The following FRYL variants were observed in gnomAD, a reference collection of about 807,000 sequenced individuals.
FRYL encodes the protein FRY like transcription coactivator.
Under a neutral mutation model 351.2 loss-of-function variants are expected in FRYL, and 150 were observed. The ratio of observed to expected loss-of-function variants is 0.43; its 90% CI spans 0.37 to 0.49. The LOEUF (loss-of-function observed/expected upper bound fraction) is 0.49, where lower values mean the gene tolerates loss of function less well. FRYL is among the 20% of genes least tolerant of loss of function. The probability of loss-of-function intolerance (pLI) is 0.00; values close to 1 mark genes in which losing one functional copy is unlikely to be tolerated. For missense variants in FRYL, 3,036 were observed against 3,619.3 expected (o/e 0.84, Z 4.13); for synonymous variants, 1,153 against 1,257.1 (o/e 0.92, Z 1.75).
rs1740898260 is a variant in FRYL at position 48,581,521 on chromosome 4, C to T, written c.2071G>A (p.Ala691Thr). ...SNVFHVVEGF[A>T]LVILCSSRPA... is the part of the protein sequence containing the mutation. Reference sequence around the variant, plus strand: ...CGACTGCTACAGAGAATGACAAGCGCAAAGCCTTCAACCACATGGAATACA... The same window carrying T: ...CGACTGCTACAGAGAATGACAAGCGTAAAGCCTTCAACCACATGGAATACA... Residue 691 changes from alanine to threonine, a missense_variant, in exon 21 of 64, where the codon GCG (alanine) becomes ACG (threonine). Physicochemically the swap from Ala to Thr is moderately conservative, Grantham distance 58. Around this residue, in one of 7 missense-constraint regions of FRYL, gnomAD observed 492 missense variants for 551.5 expected, o/e 0.89. Coordinates refer to ENST00000358350, the MANE Select transcript of FRYL (RefSeq NM_015030.2). The T allele has an allele frequency of 6.2e-7, 1 of 1,613,930 alleles. No individual in the cohort carries two copies. The highest frequency in any genetic ancestry group is 8.5e-7 in the Non-Finnish European group (1 of 1,179,986).
intron 2 of FRYL, among the ~76,000 whole-genome samples, chr4:48,709,074 C>G (rs563194625): frequency 6.6e-6 from 1 of 152,140 alleles, no homozygotes; most frequent in African/African-American, 2.4e-5. Flanking sequence ...GCGCCCGCCA[C>G]CACGCCTGGC....
intron 3 of FRYL, among the ~76,000 whole-genome samples, chr4:48,650,389 C>T (rs1350536874): frequency 2.6e-5 from 4 of 152,122 alleles, no homozygotes; most frequent in Non-Finnish European, 5.9e-5. Context: ...AACCAATACC[C>T]TCCAGAAGCT....
At chr4:48,617,355 T>C (rs1449096622) in intron 7 of FRYL, among the ~76,000 whole-genome samples, 4 of 151,470 alleles carry the variant, frequency 2.6e-5, no homozygotes, top group Admixed American at 6.6e-5. Flanking sequence ...AGATTTTTTT[T>C]TTTTTTTTAA....
At chr4:48,591,224 T>C (rs531341010) in intron 16 of FRYL, among the ~76,000 whole-genome samples, 2 of 152,298 alleles carry the variant, frequency 1.3e-5, no homozygotes, top group East Asian at 1.9e-4. Flanking sequence ...AATTTACTTA[T>C]ACCTGCACCT....
intron 61 of FRYL, among the ~76,000 whole-genome samples, chr4:48,501,934 A>G (rs1475812559): frequency 6.6e-6 from 1 of 152,262 alleles, no homozygotes; most frequent in Non-Finnish European, 1.5e-5. Flanking sequence ...TGCTGGTTAC[A>G]TAATTCAGTT....
chr4:48,610,668 ATATAT>A (rs898374630), intron 7 of FRYL, among the ~76,000 whole-genome samples: 23 of 146,640 alleles, frequency 1.6e-4, no homozygotes, highest in South Asian at 4.2e-4. Flanking sequence ...GTATATATAC[ATATAT>A]TATATTATAT....
intron 59 of FRYL, among the ~76,000 whole-genome samples, chr4:48,508,901 G>A (rs758370811): frequency 3.9e-5 from 6 of 152,194 alleles, no homozygotes; most frequent in Non-Finnish European, 7.3e-5. Flanking sequence ...TGATTGGTTA[G>A]AGCAAATCAC....
intron 2 of FRYL, among the ~76,000 whole-genome samples, chr4:48,697,537 C>G (rs1438659836): frequency 1.3e-5 from 2 of 152,126 alleles, no homozygotes; most frequent in African/African-American, 4.8e-5. Flanking sequence ...GTCCCCCAGG[C>G]TGCGGTGTCT....
At chr4:48,688,059 C>G (rs995043523) in intron 2 of FRYL, among the ~76,000 whole-genome samples, 11 of 152,154 alleles carry the variant, frequency 7.2e-5, no homozygotes, top group Non-Finnish European at 1.3e-4. Flanking sequence ...GCTCAAAACT[C>G]TAAATCTAAC....
Position 48,501,738 on chromosome 4 carries a change from A to C in FRYL, c.8482-5T>G, listed in dbSNP as rs1719706847. The C allele has an allele frequency of 6.7e-6, 10 of 1,492,184 alleles. No individual in the cohort carries two copies. Among genetic ancestry groups the C allele is most frequent in the Non-Finnish European group, 9.3e-6 (10 of 1,073,182 alleles). The allele number at this position is 1,492,184 out of a possible 1,614,324, so 92.4% of individuals were successfully genotyped here. Reference sequence around the variant, plus strand: ...TCTTCGGCAGAGCTCCAATTCCTAGAAATAAATAACATTACATTAAATTTA... The same window carrying C: ...TCTTCGGCAGAGCTCCAATTCCTAGCAATAAATAACATTACATTAAATTTA... On this transcript the variant is annotated splice_polypyrimidine_tract_variant and splice_region_variant and intron_variant, in intron 61 of 63. Transcript: ENST00000358350.
At chr4:48,705,969 TG>T (rs1486923676) in intron 2 of FRYL, among the ~76,000 whole-genome samples, 1 of 152,148 alleles carries the variant, frequency 6.6e-6, no homozygotes, top group Non-Finnish European at 1.5e-5. Flanking sequence ...CCTGAGTAGC[TG>T]GAACTACAGG....
intron 1 of FRYL, among the ~76,000 whole-genome samples, chr4:48,772,167 A>G (rs1775579550): frequency 6.6e-6 from 1 of 152,238 alleles, no homozygotes. Context: ...AGGTGGAAGG[A>G]TGCAGATTAT....
At chr4:48,660,444 T>G (rs1760462557) in intron 3 of FRYL, among the ~76,000 whole-genome samples, 1 of 152,198 alleles carries the variant, frequency 6.6e-6, no homozygotes, top group Admixed American at 6.5e-5. Flanking sequence ...AAACTGTTTG[T>G]ATAAATAATA....
chr4:48,596,139 G>T, intron 13 of FRYL, 139 bp from the exon 14 acceptor site: 1 of 590,392 alleles, frequency 1.7e-6, no homozygotes, highest in Admixed American at 3.7e-5. Flanking sequence ...TACATATTTG[G>T]TATAGGGTAA....
intron 59 of FRYL, 46 bp downstream of exon 59, chr4:48,510,013 G>A: frequency 8.0e-7 from 1 of 1,247,082 alleles, no homozygotes; most frequent in Non-Finnish European, 1.2e-6. Flanking sequence ...TACCCTTCCA[G>A]TGTCAAGAGC....
intron 41 of FRYL, chr4:48,546,521 T>C (rs1049603301): frequency 2.5e-6 from 1 of 406,438 alleles, no homozygotes; most frequent in Admixed American, 4.1e-5. Context: ...TCTGCCGCCA[T>C]CTGCTGAAGA....
intron 18 of FRYL, among the ~76,000 whole-genome samples, chr4:48,588,078 A>G (rs1385311624): frequency 4.6e-5 from 7 of 152,150 alleles, no homozygotes; most frequent in Non-Finnish European, 8.8e-5. Flanking sequence ...AATCACTGTC[A>G]TTTTCCATCA....
chr4:48,590,180 C>CA (rs1032719638), intron 17 of FRYL, among the ~76,000 whole-genome samples: 30 of 151,956 alleles, frequency 2.0e-4, no homozygotes, highest in Non-Finnish European at 3.1e-4. Flanking sequence ...TGACTATTAT[C>CA]AAAAAAACGT....
At position 48,567,550 on chromosome 4, in the gene FRYL, T is replaced by C; in HGVS notation, c.2997-130A>G. On this transcript the variant is annotated intron_variant, in intron 27 of 63. Coordinates refer to ENST00000358350, the MANE Select transcript of FRYL (RefSeq NM_015030.2). The surrounding 1 kb of genome is among the most constrained non-coding windows in gnomAD (Gnocchi z 4.2). ...GCTCATGGCAGCACGCAACTTAATA[T>C]ATGAAAATTAAATGAATATGATTTT... 3 of 596,172 alleles carry C rather than the reference T, an allele frequency of 5.0e-6. No individual in the cohort carries two copies. Among genetic ancestry groups the C allele is most frequent in the Admixed American group, 3.9e-5 (1 of 25,932 alleles). The allele number at this position is 596,172 out of a possible 1,614,324, so 36.9% of individuals were successfully genotyped here. A position where few individuals can be genotyped will look rare whatever the true frequency, so the allele number is the denominator to read the frequency against.
Sources: allele counts gnomAD v4.1 joint callset (sites outside exome capture counted in the v4.1 genomes callset), GRCh38; gene constraint gnomAD v4.1.1; regional missense constraint gnomAD v4.1.1; non-coding constraint Gnocchi (gnomAD v3.1); transcripts MANE v1.5; gene names NCBI Gene and HGNC (gene_info 2026-07-23, HGNC 2026-07-21).